ROBO2: variants seen among roughly 807,000 people sequenced by gnomAD.
ROBO2 encodes roundabout guidance receptor 2.
Under a neutral mutation model 160.8 loss-of-function variants are expected in ROBO2, and 53 were observed. That is an observed-to-expected ratio of 0.33 (90% CI 0.26 to 0.41). The LOEUF (loss-of-function observed/expected upper bound fraction) is 0.41, where lower values mean the gene tolerates loss of function less well. Among genes scored for constraint, ROBO2 ranks in the 10% least tolerant of loss-of-function variants. The pLI, the probability that ROBO2 is intolerant of heterozygous loss-of-function variation, is 1.00. For synonymous variants in ROBO2, 664 were observed against 611.7 expected (o/e 1.09, Z -1.26); for missense variants, 1,577 against 1,722.4 (o/e 0.92, Z 1.49).
intron 2 of ROBO2, among the ~76,000 whole-genome samples, chr3:77,154,408 CTT>C (rs2077803320): frequency 6.6e-6 from 1 of 152,008 alleles, no homozygotes; most frequent in Non-Finnish European, 1.5e-5. Flanking sequence ...TTTATACATC[CTT>C]GGTGGGGATG....
chr3:76,525,597 C>A (rs1417888217), intron 2 of ROBO2, among the ~76,000 whole-genome samples: 1 of 151,938 alleles, frequency 6.6e-6, no homozygotes, highest in African/African-American at 2.4e-5. Context: ...GTTTTCTCAA[C>A]CAATGTGGCC....
chr3:76,374,585 G>GA (rs35613177), intron 2 of ROBO2, among the ~76,000 whole-genome samples: 32 of 151,934 alleles, frequency 2.1e-4, no homozygotes, highest in African/African-American at 7.5e-4. Flanking sequence ...GATTATCAGA[G>GA]AAAAAAACTC....
At chr3:75,978,538 CA>C (rs2065190694) in intron 2 of ROBO2, among the ~76,000 whole-genome samples, 1 of 151,306 alleles carries the variant, frequency 6.6e-6, no homozygotes, top group African/African-American at 2.4e-5. Flanking sequence ...TGAAGTGAGA[CA>C]AAAAATAAAA....
At chr3:76,388,656 T>A (rs989190385) in intron 2 of ROBO2, among the ~76,000 whole-genome samples, 2 of 152,284 alleles carry the variant, frequency 1.3e-5, no homozygotes, top group East Asian at 3.9e-4. Flanking sequence ...ACTTGTAATT[T>A]TCAGAATGTG....
intron 2 of ROBO2, among the ~76,000 whole-genome samples, chr3:77,424,104 A>G (rs968654529): frequency 5.3e-5 from 8 of 152,280 alleles, no homozygotes; most frequent in African/African-American, 1.9e-4. Context: ...AGCACGAGCA[A>G]AATACTAAAA....
chr3:76,870,221 G>A (rs1380893082), intron 2 of ROBO2, among the ~76,000 whole-genome samples: 1 of 152,160 alleles, frequency 6.6e-6, no homozygotes, highest in Non-Finnish European at 1.5e-5. Context: ...ATGTGGCCTT[G>A]TGCAAATAAA....
At chr3:76,333,883 A>G (rs1203209584) in intron 2 of ROBO2, among the ~76,000 whole-genome samples, 4 of 152,176 alleles carry the variant, frequency 2.6e-5, no homozygotes, top group Admixed American at 1.3e-4. Context: ...TCAGCAAACT[A>G]TCGCAAGGAC....
intron 2 of ROBO2, among the ~76,000 whole-genome samples, chr3:76,150,493 C>A (rs2072153545): frequency 7.1e-6 from 1 of 141,724 alleles, no homozygotes; most frequent in Admixed American, 7.2e-5. Context: ...CACACATCAT[C>A]TGTCTAAAAC....
chr3:77,376,591 T>C (rs2072708637), intron 2 of ROBO2, among the ~76,000 whole-genome samples: 1 of 152,216 alleles, frequency 6.6e-6, no homozygotes, highest in Admixed American at 6.5e-5. Context: ...AAAGTCACTT[T>C]CCTAGAAGCC....
At chr3:76,723,735 A>G (rs1020691880) in intron 2 of ROBO2, among the ~76,000 whole-genome samples, 1 of 152,210 alleles carries the variant, frequency 6.6e-6, no homozygotes, top group Non-Finnish European at 1.5e-5. Context: ...TCTTTCATCC[A>G]AAGTCTTGCT....
At position 76,726,129 on chromosome 3, in the gene ROBO2, G is replaced by A. The variant is rs545410101; in HGVS notation, c.110-371885G>A. Among the ~76,000 whole-genome samples the A allele has an allele frequency of 3.3e-5, 5 of 152,156 alleles. 1 individual carries two copies. In the South Asian group the frequency reaches 1.0e-3, roughly 32 times the overall value. ...AAGTAAATTACTTCAAAGAAAATTT[G>A]CACAGACTCACTTCTTTTTGCTTTT... On this transcript the variant is annotated intron_variant, in intron 2 of 26. Transcript: ENST00000487694.
chr3:76,099,580 T>C (rs915427633), intron 2 of ROBO2, among the ~76,000 whole-genome samples: 20 of 151,186 alleles, frequency 1.3e-4, no homozygotes, highest in Non-Finnish European at 2.2e-4. Flanking sequence ...TTAGGATACT[T>C]GAAGAAAATG....
chr3:76,318,248 A>G (rs2072211856), intron 2 of ROBO2, among the ~76,000 whole-genome samples: 1 of 152,152 alleles, frequency 6.6e-6, no homozygotes, highest in Non-Finnish European at 1.5e-5. Context: ...AAAGTGGGGA[A>G]AACTACTGCC....
chr3:76,402,000 A>T (rs910908548), intron 2 of ROBO2, among the ~76,000 whole-genome samples: 2 of 151,550 alleles, frequency 1.3e-5, no homozygotes, highest in Admixed American at 6.6e-5. Flanking sequence ...TTTTTAGTTT[A>T]ACACTAAGAA....
intron 2 of ROBO2, among the ~76,000 whole-genome samples, chr3:76,565,146 C>T (rs2084434346): frequency 6.6e-6 from 1 of 152,160 alleles, no homozygotes; most frequent in Admixed American, 6.5e-5. Flanking sequence ...CTACCCTTTA[C>T]TACCATCTAT....
intron 2 of ROBO2, among the ~76,000 whole-genome samples, chr3:77,257,935 G>A (rs2058527204): frequency 6.6e-6 from 1 of 152,216 alleles, no homozygotes; most frequent in East Asian, 1.9e-4. Flanking sequence ...TAAGGAAAGT[G>A]CTTTGTTATA....
chr3:77,560,442 T>C (rs2093284463), intron 9 of ROBO2, among the ~76,000 whole-genome samples: 1 of 152,078 alleles, frequency 6.6e-6, no homozygotes, highest in South Asian at 2.1e-4. Context: ...GCAACGATAT[T>C]TAGGTTTATG....
chr3:76,565,796 T>C (rs909119887), intron 2 of ROBO2, among the ~76,000 whole-genome samples: 1 of 152,220 alleles, frequency 6.6e-6, no homozygotes, highest in Non-Finnish European at 1.5e-5. Flanking sequence ...GGATGTTCCA[T>C]GGAATGGATG....
chr3:75,993,005 C>T (rs574383321), intron 2 of ROBO2, among the ~76,000 whole-genome samples: 1 of 152,304 alleles, frequency 6.6e-6, no homozygotes, highest in African/African-American at 2.4e-5. Flanking sequence ...TAGGAAGTAA[C>T]TAGCTTGATT....
Sources: allele counts gnomAD v4.1 joint callset (sites outside exome capture counted in the v4.1 genomes callset), GRCh38; gene constraint gnomAD v4.1.1; transcripts MANE v1.5; gene names NCBI Gene and HGNC (gene_info 2026-07-23, HGNC 2026-07-21).